The following GABRG3 variants were observed in gnomAD, a reference collection of about 807,000 sequenced individuals.
The protein encoded by GABRG3 is gamma-aminobutyric acid type A receptor subunit gamma3.
A neutral mutation model predicts 48.8 loss-of-function variants in GABRG3; 25 were observed. The observed-to-expected ratio is 0.51, with a 90% CI of 0.37 to 0.72. The LOEUF (loss-of-function observed/expected upper bound fraction) is 0.72, where lower values mean the gene tolerates loss of function less well. GABRG3 is among the 30% of genes least tolerant of loss of function. The pLI is 0.00. For synonymous variants in GABRG3, 227 were observed against 217.6 expected, an observed-to-expected ratio of 1.04 and a Z score of -0.38; for missense variants, 394 against 577.9, an observed-to-expected ratio of 0.68 and a Z score of 3.26.
intron 3 of GABRG3, among the ~76,000 whole-genome samples, chr15:27,268,879 C>T (rs900588949): frequency 6.6e-6 from 1 of 152,150 alleles, no homozygotes; most frequent in African/African-American, 2.4e-5. Context: ...ACACTAAGAC[C>T]CAGAAACTCT....
chr15:27,179,324 A>G lies in GABRG3; in HGVS notation c.271-147485A>G, dbSNP rs1349893720. On this transcript the variant is annotated intron_variant, in intron 3 of 9. Coordinates refer to ENST00000615808, the MANE Select transcript of GABRG3 (RefSeq NM_033223.5). The surrounding 1 kb of genome is among the most constrained non-coding windows in gnomAD (Gnocchi z 4.0). ...ACAATTTCCCACATGTGGCCAATGC[A>G]CTTTATCATATGTGTCCGTGAGAAT... Among the ~76,000 whole-genome samples, 1 of 152,166 alleles carries G rather than the reference A, an allele frequency of 6.6e-6. No individual in the cohort carries two copies. The highest frequency in any genetic ancestry group is 1.9e-4 in the East Asian group (1 of 5,188).
chr15:27,413,775 A>G (rs947594927), intron 5 of GABRG3, among the ~76,000 whole-genome samples: 6 of 152,196 alleles, frequency 3.9e-5, no homozygotes, highest in Non-Finnish European at 5.9e-5. Context: ...GTCTAACTCA[A>G]GATGCACCCT....
chr15:27,328,966 A>G (rs1045401277), intron 5 of GABRG3, 78 bp downstream of exon 5: 31 of 1,159,304 alleles, frequency 2.7e-5, no homozygotes, highest in Non-Finnish European at 3.2e-5. Context: ...TCAAACAGTC[A>G]TGTGATTGAT....
chr15:27,006,751 G>A (rs1895592343), intron 2 of GABRG3, among the ~76,000 whole-genome samples: 1 of 152,154 alleles, frequency 6.6e-6, no homozygotes, highest in Admixed American at 6.5e-5. Context: ...GTGAGAACAT[G>A]CAGTATTTGG....
chr15:26,994,541 ACTGT>A (rs1158072438), intron 2 of GABRG3, among the ~76,000 whole-genome samples: 5 of 151,892 alleles, frequency 3.3e-5, no homozygotes, highest in Non-Finnish European at 7.4e-5. Flanking sequence ...ATCTTATTGT[ACTGT>A]CTATGTCTTC....
rs550487686 is a variant in GABRG3, at chr15:27,380,027, C to T, written c.574+51139C>T. Reference sequence around the variant, plus strand: ...TTCTGGTATTCCCATTTGTGTTATACATTTTATAATTATCCGATGGTTTTT... The same window carrying T: ...TTCTGGTATTCCCATTTGTGTTATATATTTTATAATTATCCGATGGTTTTT... On this transcript the variant is annotated intron_variant, in intron 5 of 9. Transcript: ENST00000615808. Among the ~76,000 whole-genome samples the T allele has an allele frequency of 1.3e-4, 20 of 151,714 alleles. No individual in the cohort carries two copies. In the East Asian group the frequency reaches 3.1e-3, roughly 23 times the overall value.
At chr15:27,164,606 A>G (rs1887313998) in intron 3 of GABRG3, among the ~76,000 whole-genome samples, 1 of 151,932 alleles carries the variant, frequency 6.6e-6, no homozygotes, top group East Asian at 1.9e-4. Flanking sequence ...GCACCCTCCT[A>G]TTCAATTTGA....
intron 3 of GABRG3, among the ~76,000 whole-genome samples, chr15:27,050,423 C>G (rs1433189624): frequency 1.3e-5 from 2 of 152,264 alleles, no homozygotes; most frequent in Admixed American, 6.5e-5. Flanking sequence ...AGGTCTCCAG[C>G]CAACTCCCTT....
At chr15:27,166,859 G>A (rs1378652153) in intron 3 of GABRG3, among the ~76,000 whole-genome samples, 2 of 152,138 alleles carry the variant, frequency 1.3e-5, no homozygotes, top group Non-Finnish European at 2.9e-5. Context: ...TTTTAAAGAT[G>A]ATAGGATGTC....
chr15:27,490,999 T>G (rs1251233073), intron 6 of GABRG3, among the ~76,000 whole-genome samples: 1 of 152,198 alleles, frequency 6.6e-6, no homozygotes, highest in Non-Finnish European at 1.5e-5. Context: ...CCTTCTCCTT[T>G]TGATTTGCTC....
chr15:27,081,236 G>A (rs1896988083), intron 3 of GABRG3, among the ~76,000 whole-genome samples: 1 of 152,024 alleles, frequency 6.6e-6, no homozygotes, highest in African/African-American at 2.4e-5. Flanking sequence ...TAGAAAGCTG[G>A]GGCCCAGAGG....
At position 26,982,854 on chromosome 15, in the gene GABRG3, C is replaced by T. The variant is rs140280064; in HGVS notation, c.202+5704C>T. On this transcript the variant is annotated intron_variant, in intron 2 of 9. Coordinates refer to ENST00000615808, the MANE Select transcript of GABRG3 (RefSeq NM_033223.5). ...CTCCTCTTTGGTTTTGTGACTTTAA[C>T]GTTCCACCATGATCATCATCTGGTC... Among the ~76,000 whole-genome samples, 19 of 152,270 alleles carry T rather than the reference C, an allele frequency of 1.2e-4. No homozygotes were observed. The East Asian group carries it at 1.7e-3, about 14-fold the overall frequency.
Position 27,447,200 on chromosome 15 carries a change from C to G in GABRG3, c.575-33450C>G, listed in dbSNP as rs1242317779. Among the ~76,000 whole-genome samples the G allele has an allele frequency of 6.6e-6, 1 of 152,140 alleles. No individual in the cohort carries two copies. The highest frequency in any genetic ancestry group is 2.4e-5 in the African/African-American group (1 of 41,432). ...AGGCAAGGCTTGGGAAGAAGGTTCC[C>G]ATTCCAACCAGAGACATAATTATAG... On this transcript the variant is annotated intron_variant, in intron 5 of 9. Coordinates refer to ENST00000615808, the MANE Select transcript of GABRG3 (RefSeq NM_033223.5). This position sits in a 1 kb window ranked among gnomAD's most constrained non-coding sequence, Gnocchi z 4.0.
intron 5 of GABRG3, among the ~76,000 whole-genome samples, chr15:27,406,568 T>C (rs1008739769): frequency 1.3e-5 from 2 of 152,128 alleles, no homozygotes; most frequent in Admixed American, 6.5e-5. Flanking sequence ...CAAAACCAGA[T>C]TGAGGATATT....
intron 3 of GABRG3, among the ~76,000 whole-genome samples, chr15:27,253,039 C>G (rs1295487343): frequency 2.0e-5 from 3 of 152,322 alleles, no homozygotes; most frequent in Admixed American, 1.3e-4. Context: ...CTGCGCCTTG[C>G]ACGTTTAGAC....
intron 3 of GABRG3, among the ~76,000 whole-genome samples, chr15:27,193,272 C>T (rs1056838676): frequency 2.0e-5 from 3 of 152,184 alleles, no homozygotes; most frequent in African/African-American, 4.8e-5. Flanking sequence ...ACATTTAAGT[C>T]TGCAGAGGTT....
At chr15:27,152,906 G>C (rs1402231720) in intron 3 of GABRG3, among the ~76,000 whole-genome samples, 1 of 150,698 alleles carries the variant, frequency 6.6e-6, no homozygotes, top group East Asian at 2.0e-4. Flanking sequence ...TGTCGCCCAG[G>C]CTGGAGTGCA....
At chr15:27,443,681 C>T (rs1888858133) in intron 5 of GABRG3, among the ~76,000 whole-genome samples, 1 of 152,176 alleles carries the variant, frequency 6.6e-6, no homozygotes, top group Non-Finnish European at 1.5e-5. Context: ...TCCAGCATAA[C>T]ACTGAATGAG....
At chr15:27,006,287 T>G (rs1445727988) in intron 2 of GABRG3, among the ~76,000 whole-genome samples, 1 of 152,096 alleles carries the variant, frequency 6.6e-6, no homozygotes, top group Non-Finnish European at 1.5e-5. Flanking sequence ...TTGCAACCTC[T>G]GCCTCCTGGG....
Sources: allele counts gnomAD v4.1 joint callset (sites outside exome capture counted in the v4.1 genomes callset), GRCh38; gene constraint gnomAD v4.1.1; non-coding constraint Gnocchi (gnomAD v3.1); transcripts MANE v1.5; gene names NCBI Gene and HGNC (gene_info 2026-07-23, HGNC 2026-07-21).